Variants in GRM8 observed in about 807,000 individuals in gnomAD.
GRM8 encodes the protein metabotropic glutamate receptor 8.
A neutral mutation model predicts 87.2 loss-of-function variants in GRM8; 47 were observed. The ratio of observed to expected loss-of-function variants is 0.54; its 90% CI spans 0.43 to 0.69. The LOEUF (loss-of-function observed/expected upper bound fraction) is 0.69, where lower values mean the gene tolerates loss of function less well. Ranked by LOEUF, GRM8 falls within the 30% of genes least tolerant of loss-of-function variation. The pLI, the probability that GRM8 is intolerant of heterozygous loss-of-function variation, is 0.00. For missense variants in GRM8, 1,019 were observed against 1,139.2 expected (o/e 0.89, Z 1.52); for synonymous variants, 396 against 404.5 (o/e 0.98, Z 0.25).
chr7:126,677,492 A>AT (rs1807101171), intron 7 of GRM8, among the ~76,000 whole-genome samples: 1 of 152,184 alleles, frequency 6.6e-6, no homozygotes, highest in Non-Finnish European at 1.5e-5. Context: ...AAAACGTCAT[A>AT]TATATACACC....
chr7:127,190,284 A>G (rs533232001), intron 2 of GRM8, among the ~76,000 whole-genome samples: 1 of 152,350 alleles, frequency 6.6e-6, no homozygotes, highest in Admixed American at 6.5e-5. Context: ...AGCCAAAGCA[A>G]GCCACACAGC....
chr7:126,486,753 T>TA (rs1472073900), intron 9 of GRM8, among the ~76,000 whole-genome samples: 1 of 152,104 alleles, frequency 6.6e-6, no homozygotes, highest in African/African-American at 2.4e-5. Context: ...GTAAGCCCAT[T>TA]ATATGTTTAA....
chr7:126,788,087 G>A (rs1347740407), intron 6 of GRM8, among the ~76,000 whole-genome samples: 2 of 151,896 alleles, frequency 1.3e-5, no homozygotes, highest in African/African-American at 4.8e-5. Context: ...CAAAAATGAT[G>A]AGTTACCTGA....
chr7:126,603,770 T>C (rs536166425), intron 8 of GRM8, among the ~76,000 whole-genome samples: 1 of 152,034 alleles, frequency 6.6e-6, no homozygotes, highest in African/African-American at 2.4e-5. Context: ...TATATATGTA[T>C]CATAGGAAAG....
chr7:127,125,195 G>A (rs1427509208), intron 2 of GRM8, among the ~76,000 whole-genome samples: 3 of 152,052 alleles, frequency 2.0e-5, no homozygotes, highest in African/African-American at 7.2e-5. Flanking sequence ...TAAAGAATAA[G>A]AGCAAATTTG....
chr7:126,526,970 C>A (rs1334297584), intron 9 of GRM8, among the ~76,000 whole-genome samples: 1 of 151,942 alleles, frequency 6.6e-6, no homozygotes, highest in East Asian at 1.9e-4. Flanking sequence ...ATCTTGTCCA[C>A]AAAAAATCGA....
intron 3 of GRM8, among the ~76,000 whole-genome samples, chr7:127,093,727 T>C (rs560251041): frequency 6.6e-6 from 1 of 152,320 alleles, no homozygotes; most frequent in Non-Finnish European, 1.5e-5. Context: ...AGAAACAAAA[T>C]ATGCTGACTT....
intron 2 of GRM8, among the ~76,000 whole-genome samples, chr7:127,110,512 A>T (rs1417492413): frequency 6.6e-6 from 1 of 152,218 alleles, no homozygotes; most frequent in Non-Finnish European, 1.5e-5. Flanking sequence ...GAGACTTCAT[A>T]AAAATATCAT....
intron 9 of GRM8, among the ~76,000 whole-genome samples, chr7:126,483,734 T>C (rs1807002727): frequency 7.4e-6 from 1 of 135,640 alleles, no homozygotes; most frequent in African/African-American, 2.8e-5. Flanking sequence ...AAACTTACCC[T>C]TAGTATTTCC....
intron 6 of GRM8, among the ~76,000 whole-genome samples, chr7:126,817,614 T>C (rs1406506821): frequency 3.3e-5 from 5 of 152,156 alleles, no homozygotes; most frequent in African/African-American, 1.2e-4. Flanking sequence ...GTTGCATATT[T>C]ACGAAAAGTC....
At chr7:127,026,615 T>C (rs1219721455) in intron 3 of GRM8, among the ~76,000 whole-genome samples, 3 of 152,220 alleles carry the variant, frequency 2.0e-5, no homozygotes, top group Admixed American at 6.5e-5. Context: ...ATGAGCATTT[T>C]TTCATGTGTT....
intron 3 of GRM8, among the ~76,000 whole-genome samples, chr7:126,987,384 C>T (rs1278612230): frequency 6.6e-6 from 1 of 152,148 alleles, no homozygotes; most frequent in African/African-American, 2.4e-5. Context: ...GCAACACCTA[C>T]CACAATATTT....
intron 7 of GRM8, among the ~76,000 whole-genome samples, chr7:126,650,124 G>A (rs1803642859): frequency 6.6e-6 from 1 of 152,210 alleles, no homozygotes; most frequent in Admixed American, 6.5e-5. Context: ...TGCCTATCAT[G>A]AACTGGGTGC....
At chr7:126,785,740 T>C (rs1302004344) in intron 6 of GRM8, among the ~76,000 whole-genome samples, 2 of 152,064 alleles carry the variant, frequency 1.3e-5, no homozygotes, top group Admixed American at 6.6e-5. Flanking sequence ...AACGTGGAGA[T>C]AGCAGAGTAA....
At chr7:127,037,929 A>G (rs1173202447) in intron 3 of GRM8, among the ~76,000 whole-genome samples, 1 of 152,126 alleles carries the variant, frequency 6.6e-6, no homozygotes, top group Non-Finnish European at 1.5e-5. Flanking sequence ...TATGTACCTC[A>G]GAATTAATGA....
At chr7:127,226,651 G>A (rs1797344499) in intron 2 of GRM8, among the ~76,000 whole-genome samples, 1 of 152,186 alleles carries the variant, frequency 6.6e-6, no homozygotes, top group African/African-American at 2.4e-5. Flanking sequence ...GGGGTTCCAT[G>A]GTTTCAATAT....
intron 2 of GRM8, among the ~76,000 whole-genome samples, chr7:127,187,466 G>C (rs756715603): frequency 5.3e-5 from 8 of 152,166 alleles, no homozygotes; most frequent in Non-Finnish European, 1.2e-4. Context: ...CATAGTTTAA[G>C]TGAGTCTCCA....
chr7:126,862,427 T>C (rs1371869275), intron 6 of GRM8, among the ~76,000 whole-genome samples: 1 of 152,072 alleles, frequency 6.6e-6, no homozygotes, highest in African/African-American at 2.4e-5. Context: ...ATGATTCTTA[T>C]ATACAACAAA....
At chr7:126,711,966 G>A (rs936508291) in intron 7 of GRM8, among the ~76,000 whole-genome samples, 1 of 152,182 alleles carries the variant, frequency 6.6e-6, no homozygotes, top group Non-Finnish European at 1.5e-5. Flanking sequence ...TAAGCAATAA[G>A]ACTGTTTCAC....
Sources: allele counts gnomAD v4.1 joint callset (sites outside exome capture counted in the v4.1 genomes callset), GRCh38; gene constraint gnomAD v4.1.1; transcripts MANE v1.5; gene names NCBI Gene and HGNC (gene_info 2026-07-23, HGNC 2026-07-21).